CASS4: variants seen among roughly 807,000 people sequenced by gnomAD.
CASS4 encodes Cas scaffold protein family member 4.
CASS4 carries 22 observed loss-of-function variants against 54.2 expected under a neutral mutation model. The ratio of observed to expected loss-of-function variants is 0.41; its 90% CI spans 0.29 to 0.58. CASS4 has a LOEUF of 0.58. CASS4 is among the 20% of genes least tolerant of loss of function. The pLI is 0.36. For synonymous variants in CASS4, 409 were observed against 391.5 expected (o/e 1.04, Z -0.53); for missense variants, 854 against 986.7 (o/e 0.87, Z 1.80).
intron 2 of CASS4, among the ~76,000 whole-genome samples, chr20:56,441,746 G>A (rs948903972): frequency 1.3e-5 from 2 of 152,110 alleles, no homozygotes; most frequent in African/African-American, 4.8e-5. Context: ...GGGTGATTGG[G>A]GACCTCCCAA....
chr20:56,416,575 A>G (rs927790304), intron 1 of CASS4, among the ~76,000 whole-genome samples: 4 of 152,168 alleles, frequency 2.6e-5, no homozygotes, highest in East Asian at 1.9e-4. Flanking sequence ...ACATGCCATT[A>G]CAGGTAATAT....
chr20:56,433,084 C>G (rs1979993013), intron 1 of CASS4, among the ~76,000 whole-genome samples: 1 of 152,256 alleles, frequency 6.6e-6, no homozygotes, highest in African/African-American at 2.4e-5. Context: ...GGGACGCAGT[C>G]CAGAACAAGA....
chr20:56,443,313 CA>C (rs1331817646), intron 2 of CASS4, among the ~76,000 whole-genome samples: 1 of 151,096 alleles, frequency 6.6e-6, no homozygotes, highest in African/African-American at 2.5e-5. Context: ...ACTAAAAATA[CA>C]AAAAAGTAGC....
chr20:56,413,276 T>C (rs965617698), intron 1 of CASS4, among the ~76,000 whole-genome samples: 1 of 152,014 alleles, frequency 6.6e-6, no homozygotes, highest in Non-Finnish European at 1.5e-5. Flanking sequence ...CATCTTGCTA[T>C]GCCCTTTTTA....
rs537597566 is a variant in CASS4, at chr20:56,430,903, G to T, written c.37-6261G>T. 8.7e-4 allele frequency among the ~76,000 whole-genome samples: 132 copies of T among 152,304 alleles called. No individual in the cohort carries two copies. Among genetic ancestry groups the T allele is most frequent in the African/African-American group, 3.0e-3 (126 of 41,554 alleles). ...TGTGACTGGAGGGAAATGAATGAGG[G>T]TAGAGCTGCAAACTGGGAGGCTGAT... is the stretch of plus-strand genomic sequence containing the variant. On this transcript the variant is annotated intron_variant, in intron 1 of 5. Coordinates refer to ENST00000679887, the MANE Select transcript of CASS4 (RefSeq NM_020356.4). This position sits in a 1 kb window ranked among gnomAD's most constrained non-coding sequence, Gnocchi z 4.2.
chr20:56,452,787 G>A lies in CASS4; in HGVS notation c.1611G>A (p.Leu537=), dbSNP rs774946832. The A allele has an allele frequency of 9.9e-6, 16 of 1,613,964 alleles. No homozygotes were observed. Among genetic ancestry groups the A allele is most frequent in the Non-Finnish European group, 1.3e-5 (15 of 1,180,006 alleles). Residue 537 remains leucine (L), a synonymous_variant, in exon 5 of 6, where the codon TTG becomes TTA. Transcript: ENST00000679887. The stretch of plus-strand genomic sequence containing the variant: ...TCCTGCTTGAAACAAAGGAAAGCTT[G>A]GATAATCGCAATTGGCCTCTGGAAG... ...YRILLETKES[L]DNRNWPLEVL... is the part of the protein sequence containing the mutation.
At chr20:56,446,935 C>T (rs997972943) in intron 3 of CASS4, among the ~76,000 whole-genome samples, 25 of 152,122 alleles carry the variant, frequency 1.6e-4, no homozygotes, top group African/African-American at 4.3e-4. Context: ...TGGCCAGGTG[C>T]GGCAGCTCAC....
At chr20:56,418,834 C>T (rs1979272395) in intron 1 of CASS4, among the ~76,000 whole-genome samples, 1 of 152,156 alleles carries the variant, frequency 6.6e-6, no homozygotes, top group Middle Eastern at 3.2e-3. Context: ...GCCTGCTGCA[C>T]ACCAGGCACT....
In CASS4 at chr20:56,414,434, G is replaced by T. The variant is rs1338040208; in HGVS notation, c.36+1940G>T. 2.6e-5 allele frequency among the ~76,000 whole-genome samples: 4 copies of T among 151,538 alleles called. No individual in the cohort carries two copies. The East Asian group carries it at 5.8e-4, about 22-fold the overall frequency. On this transcript the variant is annotated intron_variant, in intron 1 of 5. Transcript: ENST00000679887. This position sits in a 1 kb window ranked among gnomAD's most constrained non-coding sequence, Gnocchi z 4.1. The stretch of plus-strand genomic sequence containing the variant: ...ATGTAGCGCTTTACAATTGGGTGGG[G>T]TTTTGTTATTTAAAAAAAATATTTT...
chr20:56,436,283 C>CAG (rs917229759), intron 1 of CASS4, among the ~76,000 whole-genome samples: 9 of 150,184 alleles, frequency 6.0e-5, no homozygotes, highest in Admixed American at 6.0e-4. Context: ...CTGTACATGA[C>CAG]AGAGAGAGAG....
Position 56,437,551 on chromosome 20 carries a change from A to G in CASS4, c.424A>G (p.Ile142Val). 6.4e-7 allele frequency: 1 copy of G among 1,556,996 alleles called. No individual in the cohort carries two copies. The highest frequency in any genetic ancestry group is 2.0e-5 in the Admixed American group (1 of 50,154). ...CCCCGACCCTCCCACCAGTGCCAGA[A>G]TCATCTGTGAAAAGACTCTCAGCTT... ...EFPDPPTSAR[I>V]ICEKTLSFPK... Residue 142 changes from isoleucine (I) to valine (V), a missense_variant, in exon 2 of 6, where the codon ATC (isoleucine) becomes GTC (valine). Ile to Val is a conservative substitution (Grantham distance 29). Transcript: ENST00000679887. This position sits in a 1 kb window ranked among gnomAD's most constrained non-coding sequence, Gnocchi z 4.7.
chr20:56,427,590 G>C (rs1979705545), intron 1 of CASS4, among the ~76,000 whole-genome samples: 1 of 152,180 alleles, frequency 6.6e-6, no homozygotes, highest in African/African-American at 2.4e-5. Context: ...TCTCGATGTT[G>C]AGTCTGGGCA....
At chr20:56,439,418 C>A (rs532755789) in intron 2 of CASS4, among the ~76,000 whole-genome samples, 12 of 151,968 alleles carry the variant, frequency 7.9e-5, no homozygotes, top group African/African-American at 2.4e-4. Context: ...TTCCTGTAAT[C>A]CCAGCAGTTT....
chr20:56,453,077 A>T lies in CASS4; in HGVS notation c.1901A>T (p.Asp634Val), dbSNP rs766739822. Residue 634 changes from aspartate (D) to valine (V), a missense_variant, in exon 5 of 6, where the codon GAT becomes GTT. Transcript: ENST00000679887. ...KSTPSTKQREDEHSSELLKKN... is the reference protein window; with the variant it reads ...KSTPSTKQREVEHSSELLKKN... ...ACCCCTTCCACTAAGCAAAGGGAAG[A>T]TGAACACTCTTCTGAACTATTAAAG... 6.2e-7 allele frequency: 1 copy of T among 1,614,138 alleles called. No homozygotes were observed. The highest frequency in any genetic ancestry group is 8.5e-7 in the Non-Finnish European group (1 of 1,180,018).
At chr20:56,417,840 G>C (rs1224637148) in intron 1 of CASS4, among the ~76,000 whole-genome samples, 1 of 152,200 alleles carries the variant, frequency 6.6e-6, no homozygotes, top group Admixed American at 6.5e-5. Flanking sequence ...CTGTTCTCTT[G>C]ACAATTGTCC....
At chr20:56,425,974 C>G (rs1407473079) in intron 1 of CASS4, among the ~76,000 whole-genome samples, 1 of 152,200 alleles carries the variant, frequency 6.6e-6, no homozygotes, top group East Asian at 1.9e-4. Context: ...GTCCCGTTTC[C>G]ATTGACATAA....
intron 1 of CASS4, among the ~76,000 whole-genome samples, chr20:56,421,507 G>A (rs1979408173): frequency 6.6e-6 from 1 of 151,988 alleles, no homozygotes; most frequent in Non-Finnish European, 1.5e-5. Flanking sequence ...GACCAGCCTG[G>A]GCAACATAGC....
chr20:56,444,137 G>A (rs1458714692), intron 2 of CASS4, among the ~76,000 whole-genome samples: 1 of 152,134 alleles, frequency 6.6e-6, no homozygotes, highest in African/African-American at 2.4e-5. Context: ...GTGTGCTAAT[G>A]TTTACCATCC....
At position 56,458,720 on chromosome 20, in the gene CASS4, G is replaced by A. The variant is rs755377297; in HGVS notation, c.2334G>A (p.Thr778=). 8.7e-6 allele frequency: 14 copies of A among 1,609,262 alleles called. No homozygotes were observed. The highest frequency in any genetic ancestry group is 1.1e-5 in the Non-Finnish European group (13 of 1,177,652). ...QAEAEKLEQH[T]RQFRGTLG ...AGGCTGAGAAGCTGGAGCAACACAC[G>A]CGGCAGTTCAGAGGGACACTGGGAT... The change falls in exon 6 of 6, where the codon ACG becomes ACA. Residue 778 remains threonine (T), a synonymous_variant. Transcript: ENST00000679887.
Sources: allele counts gnomAD v4.1 joint callset (sites outside exome capture counted in the v4.1 genomes callset), GRCh38; gene constraint gnomAD v4.1.1; non-coding constraint Gnocchi (gnomAD v3.1); transcripts MANE v1.5; gene names NCBI Gene and HGNC (gene_info 2026-07-23, HGNC 2026-07-21).